The following CTNNA3 variants were observed in gnomAD, a reference collection of about 807,000 sequenced individuals.
CTNNA3 encodes catenin alpha-3.
A neutral mutation model predicts 95.7 loss-of-function variants in CTNNA3; 76 were observed. The observed-to-expected ratio is 0.79, with a 90% CI of 0.66 to 0.96. The LOEUF (loss-of-function observed/expected upper bound fraction) is 0.96. Ranked by LOEUF, CTNNA3 falls within the 40% of genes least tolerant of loss-of-function variation. The probability of loss-of-function intolerance (pLI) is 0.00; values close to 1 mark genes in which losing one functional copy is unlikely to be tolerated. For missense variants in CTNNA3, 1,191 were observed against 1,089.8 expected (o/e 1.09, Z -1.31); for synonymous variants, 431 against 374.4 (o/e 1.15, Z -1.74).
chr10:66,152,144 C>A (rs1168942388), intron 13 of CTNNA3, among the ~76,000 whole-genome samples: 1 of 151,740 alleles, frequency 6.6e-6, no homozygotes. Flanking sequence ...AAATAAGTAC[C>A]ATTCAAAAAC....
intron 9 of CTNNA3, among the ~76,000 whole-genome samples, chr10:66,731,483 A>G (rs1848958071): frequency 6.6e-6 from 1 of 151,952 alleles, no homozygotes; most frequent in African/African-American, 2.4e-5. Flanking sequence ...CGGAAATTTA[A>G]GCATAACTCT....
chr10:66,685,172 T>TGC (rs1847208485), intron 9 of CTNNA3, among the ~76,000 whole-genome samples: 2 of 109,908 alleles, frequency 1.8e-5, no homozygotes, highest in South Asian at 5.7e-4. Flanking sequence ...TATATATATA[T>TGC]ATACACATAT....
At chr10:66,779,810 G>C (rs570653905) in intron 7 of CTNNA3, among the ~76,000 whole-genome samples, 1 of 152,162 alleles carries the variant, frequency 6.6e-6, no homozygotes, top group South Asian at 2.1e-4. Flanking sequence ...TAATAAATAG[G>C]TCAACATAGT....
chr10:66,469,536 A>T (rs1041756521), intron 11 of CTNNA3, among the ~76,000 whole-genome samples: 5 of 151,892 alleles, frequency 3.3e-5, no homozygotes, highest in Non-Finnish European at 7.4e-5. Flanking sequence ...TCGTTAAAAA[A>T]TAGTGAGATA....
intron 5 of CTNNA3, among the ~76,000 whole-genome samples, chr10:67,272,534 T>C (rs897202914): frequency 1.4e-4 from 22 of 152,080 alleles, no homozygotes; most frequent in South Asian, 4.1e-4. Context: ...GCCTGAGCGA[T>C]AGGGTAAGAC....
chr10:66,864,345 C>T (rs1021593796), intron 7 of CTNNA3, among the ~76,000 whole-genome samples: 29 of 152,106 alleles, frequency 1.9e-4, no homozygotes, highest in African/African-American at 7.0e-4. Flanking sequence ...AAATTTTGCC[C>T]CCTCTTGCTC....
intron 12 of CTNNA3, among the ~76,000 whole-genome samples, chr10:66,334,268 T>G (rs2092368588): frequency 6.6e-6 from 1 of 151,996 alleles, no homozygotes; most frequent in South Asian, 2.1e-4. Context: ...GATCCTGTCA[T>G]TGTGATGTTA....
At chr10:67,276,872 G>C (rs1365532648) in intron 5 of CTNNA3, among the ~76,000 whole-genome samples, 1 of 151,494 alleles carries the variant, frequency 6.6e-6, no homozygotes, top group Admixed American at 6.6e-5. Flanking sequence ...ATACATTGTG[G>C]TTCTAATTAT....
chr10:67,163,926 G>A lies in CTNNA3; in HGVS notation c.1047+16391C>T, dbSNP rs146219922. Among the ~76,000 whole-genome samples the A allele has an allele frequency of 9.0e-3, 1,366 of 151,892 alleles. 28 individuals are homozygous for A. Among genetic ancestry groups the A allele is most frequent in the African/African-American group, 0.029 (1,220 of 41,492 alleles). ...CAATTAGGTATAAGTCTAATAAAAC[G>A]TGTACGACTTCTATACTGAAAACTG... is the stretch of plus-strand genomic sequence containing the variant. On this transcript the variant is annotated intron_variant, in intron 7 of 17. Coordinates refer to ENST00000433211, the MANE Select transcript of CTNNA3 (RefSeq NM_013266.4).
intron 1 of CTNNA3, among the ~76,000 whole-genome samples, chr10:67,704,409 G>A (rs1416782192): frequency 1.3e-5 from 2 of 152,150 alleles, no homozygotes; most frequent in African/African-American, 2.4e-5. Context: ...AAACAGCATG[G>A]TACTGGTACC....
intron 5 of CTNNA3, among the ~76,000 whole-genome samples, chr10:67,369,146 T>C (rs1843322993): frequency 6.6e-6 from 1 of 152,144 alleles, no homozygotes; most frequent in South Asian, 2.1e-4. Context: ...AATAAATCTA[T>C]TTTTAAAGCC....
At chr10:66,009,378 T>C (rs913673089) in intron 15 of CTNNA3, among the ~76,000 whole-genome samples, 2 of 152,168 alleles carry the variant, frequency 1.3e-5, no homozygotes, top group Non-Finnish European at 2.9e-5. Context: ...ATTGTGATAA[T>C]GTTGAAAGCT....
chr10:67,711,245 T>C (rs964339666), intron 1 of CTNNA3, among the ~76,000 whole-genome samples: 1 of 152,102 alleles, frequency 6.6e-6, no homozygotes, highest in Admixed American at 6.5e-5. Context: ...GGCGCATTAC[T>C]GAAAAGATAC....
At chr10:66,528,430 C>T (rs1841345054) in intron 10 of CTNNA3, among the ~76,000 whole-genome samples, 1 of 152,176 alleles carries the variant, frequency 6.6e-6, no homozygotes, top group African/African-American at 2.4e-5. Flanking sequence ...TTAGGATTTT[C>T]AGACTGTCTC....
chr10:67,747,672 T>C (rs1468738459), intron 1 of CTNNA3, among the ~76,000 whole-genome samples: 1 of 152,162 alleles, frequency 6.6e-6, no homozygotes, highest in Non-Finnish European at 1.5e-5. Context: ...GAAAAAACGC[T>C]AAAAACTTAA....
At chr10:66,057,107 A>G (rs1484632158) in intron 15 of CTNNA3, among the ~76,000 whole-genome samples, 1 of 152,134 alleles carries the variant, frequency 6.6e-6, no homozygotes, top group Non-Finnish European at 1.5e-5. Context: ...AAAATACTAG[A>G]AATCTCCTTT....
intron 13 of CTNNA3, among the ~76,000 whole-genome samples, chr10:66,257,181 C>T (rs1158237756): frequency 6.6e-6 from 1 of 152,210 alleles, no homozygotes; most frequent in African/African-American, 2.4e-5. Flanking sequence ...CCATCCAGCC[C>T]CTATCTTTTC....
At chr10:66,906,261 G>T (rs1158068817) in intron 7 of CTNNA3, among the ~76,000 whole-genome samples, 1 of 152,098 alleles carries the variant, frequency 6.6e-6, no homozygotes, top group African/African-American at 2.4e-5. Context: ...GCAGTAGAAG[G>T]AACTCAGCAT....
intron 7 of CTNNA3, among the ~76,000 whole-genome samples, chr10:67,012,765 A>T (rs918460387): frequency 2.6e-5 from 4 of 152,104 alleles, no homozygotes; most frequent in Non-Finnish European, 5.9e-5. Flanking sequence ...TAAAATGATC[A>T]AGATTTTTGT....
Sources: allele counts gnomAD v4.1 joint callset (sites outside exome capture counted in the v4.1 genomes callset), GRCh38; gene constraint gnomAD v4.1.1; transcripts MANE v1.5; gene names NCBI Gene and HGNC (gene_info 2026-07-23, HGNC 2026-07-21).